KCNAB1: variants seen among roughly 807,000 people sequenced by gnomAD.
KCNAB1 encodes the protein potassium voltage-gated channel subfamily A regulatory beta subunit 1.
Under a neutral mutation model 64.6 loss-of-function variants are expected in KCNAB1, and 35 were observed. That is an observed-to-expected ratio of 0.54 (90% CI 0.41 to 0.72). KCNAB1 has a LOEUF of 0.72. Ranked by LOEUF, KCNAB1 falls within the 30% of genes least tolerant of loss-of-function variation. The pLI is 0.00. For synonymous variants in KCNAB1, 177 were observed against 183.8 expected, an observed-to-expected ratio of 0.96 and a Z score of 0.30; for missense variants, 401 against 512.9, an observed-to-expected ratio of 0.78 and a Z score of 2.11.
chr3:156,318,959 A>G (rs1345569778), intron 1 of KCNAB1, among the ~76,000 whole-genome samples: 1 of 152,254 alleles, frequency 6.6e-6, no homozygotes, highest in Non-Finnish European at 1.5e-5. Context: ...ACTAACCTTC[A>G]TCTTTAAATT....
At chr3:156,183,912 G>A (rs888039265) in intron 1 of KCNAB1, among the ~76,000 whole-genome samples, 12 of 152,280 alleles carry the variant, frequency 7.9e-5, no homozygotes, top group Admixed American at 2.6e-4. Flanking sequence ...TACAGAATAC[G>A]TGATCTTCAA....
intron 1 of KCNAB1, among the ~76,000 whole-genome samples, chr3:156,237,604 A>G (rs1161069230): frequency 1.3e-5 from 2 of 152,106 alleles, no homozygotes; most frequent in African/African-American, 4.8e-5. Flanking sequence ...ATCTAGCTCT[A>G]CTGTGTCTAT....
At chr3:156,260,961 T>C (rs959576433) in intron 1 of KCNAB1, among the ~76,000 whole-genome samples, 1 of 152,176 alleles carries the variant, frequency 6.6e-6, no homozygotes, top group East Asian at 1.9e-4. Context: ...AGGTGTCTCA[T>C]TGTGGTTTTC....
chr3:156,510,494 A>T (rs772774356), intron 8 of KCNAB1, among the ~76,000 whole-genome samples: 2 of 151,672 alleles, frequency 1.3e-5, no homozygotes, highest in Non-Finnish European at 2.9e-5. Context: ...TTCCTAGGTC[A>T]CTCCAAATGG....
chr3:156,342,585 C>CT (rs60982892), intron 1 of KCNAB1, among the ~76,000 whole-genome samples: 6,650 of 86,296 alleles, frequency 0.077, 178 homozygotes, highest in East Asian at 0.15. Context: ...CTATGTGTTT[C>CT]TTTTTTTTTT....
intron 1 of KCNAB1, chr3:156,291,236 A>C: frequency 1.0e-6 from 1 of 986,688 alleles, no homozygotes; most frequent in Non-Finnish European, 1.2e-6. Flanking sequence ...GTGCAGGCTC[A>C]GCAACCCAGG....
intron 1 of KCNAB1, among the ~76,000 whole-genome samples, chr3:156,317,342 C>G (rs1475746936): frequency 1.3e-5 from 2 of 152,156 alleles, no homozygotes; most frequent in Non-Finnish European, 2.9e-5. Context: ...TATTTTCAAG[C>G]TTTTATAACT....
intron 1 of KCNAB1, among the ~76,000 whole-genome samples, chr3:156,151,901 TCTC>T (rs1303517429): frequency 3.9e-5 from 6 of 152,178 alleles, no homozygotes; most frequent in African/African-American, 1.4e-4. Flanking sequence ...ATCTTTTAGG[TCTC>T]CTTCAATCTG....
chr3:156,493,315 T>G (rs73025753), intron 8 of KCNAB1, among the ~76,000 whole-genome samples: 17,553 of 152,120 alleles, frequency 0.12, 2,830 homozygotes, highest in African/African-American at 0.36. Context: ...TGCAGGATAC[T>G]AAGAAAATAT....
chr3:156,371,966 C>A (rs1726333273), intron 1 of KCNAB1, among the ~76,000 whole-genome samples: 1 of 152,072 alleles, frequency 6.6e-6, no homozygotes, highest in Non-Finnish European at 1.5e-5. Flanking sequence ...TTGATAAAAC[C>A]TTGTGACTGG....
intron 1 of KCNAB1, among the ~76,000 whole-genome samples, chr3:156,178,073 C>T (rs2108339585): frequency 6.6e-6 from 1 of 152,224 alleles, no homozygotes; most frequent in South Asian, 2.1e-4. Context: ...GGAAGGGTCA[C>T]CAGACTTCCT....
At chr3:156,432,870 TA>T (rs111565927) in intron 2 of KCNAB1, among the ~76,000 whole-genome samples, 1 of 152,132 alleles carries the variant, frequency 6.6e-6, no homozygotes, top group Non-Finnish European at 1.5e-5. Flanking sequence ...CTTCGTTACC[TA>T]ACCCCACCAT....
intron 1 of KCNAB1, among the ~76,000 whole-genome samples, chr3:156,250,546 G>A (rs1717769997): frequency 6.6e-6 from 1 of 152,120 alleles, no homozygotes; most frequent in Admixed American, 6.5e-5. Context: ...CAAATGTATG[G>A]TGTAGCATCT....
chr3:156,429,022 A>T (rs1288189528), intron 2 of KCNAB1, among the ~76,000 whole-genome samples: 1 of 152,248 alleles, frequency 6.6e-6, no homozygotes, highest in Non-Finnish European at 1.5e-5. Context: ...GAGGACTTAT[A>T]TGAGTCTCTC....
At chr3:156,223,282 C>T (rs1715902426) in intron 1 of KCNAB1, among the ~76,000 whole-genome samples, 1 of 152,314 alleles carries the variant, frequency 6.6e-6, no homozygotes, top group South Asian at 2.1e-4. Context: ...AAGAACAAAG[C>T]TTCCACAGTG....
At chr3:156,291,438 G>A (rs991735662) in intron 1 of KCNAB1, 50 of 1,006,112 alleles carry the variant, frequency 5.0e-5, no homozygotes, top group Middle Eastern at 1.0e-3. Flanking sequence ...GGATGCTGGC[G>A]GCGCATCTTG....
chr3:156,485,721 G>A (rs1315285748), intron 8 of KCNAB1, among the ~76,000 whole-genome samples: 2 of 151,976 alleles, frequency 1.3e-5, no homozygotes, highest in East Asian at 1.9e-4. Context: ...CCAATAGGGA[G>A]TTTCTTAAGA....
chr3:156,143,037 A>G (rs1010927433), intron 1 of KCNAB1: 1 of 1,363,250 alleles, frequency 7.3e-7, no homozygotes, highest in South Asian at 2.1e-5. Context: ...TACAAAAATG[A>G]TAAGAGAGAT....
chr3:156,189,861 G>A (rs960332382), intron 1 of KCNAB1, among the ~76,000 whole-genome samples: 22 of 152,160 alleles, frequency 1.4e-4, no homozygotes, highest in Non-Finnish European at 2.4e-4. Context: ...GTTGAGGGGG[G>A]CATTGTCATG....
Sources: gnomAD v4.1 joint callset for allele counts (sites outside exome capture counted in the v4.1 genomes callset) on GRCh38, gnomAD v4.1.1 for gene constraint, MANE v1.5 for transcripts, NCBI Gene and HGNC (gene_info 2026-07-23, HGNC 2026-07-21) for gene names.